ST8SIA5: variants seen among roughly 807,000 people sequenced by gnomAD.
The protein encoded by ST8SIA5 is ST8 alpha-N-acetyl-neuraminide alpha-2,8-sialyltransferase 5, also known as alpha-2,8-sialyltransferase 8E.
Under a neutral mutation model 40.2 loss-of-function variants are expected in ST8SIA5, and 24 were observed. The observed-to-expected ratio is 0.60, with a 90% CI of 0.43 to 0.84. The LOEUF is 0.84. ST8SIA5 is among the 40% of genes least tolerant of loss of function. The probability of loss-of-function intolerance (pLI) is 0.00; values close to 1 mark genes in which losing one functional copy is unlikely to be tolerated. For missense variants in ST8SIA5, 465 were observed against 498.5 expected, an observed-to-expected ratio of 0.93 and a Z score of 0.64; for synonymous variants, 198 against 201.8, an observed-to-expected ratio of 0.98 and a Z score of 0.16.
At chr18:46,690,264 C>T (rs909146084) in intron 3 of ST8SIA5, among the ~76,000 whole-genome samples, 7 of 152,138 alleles carry the variant, frequency 4.6e-5, no homozygotes, top group Admixed American at 6.5e-5. Flanking sequence ...TCCTGTAATT[C>T]GAAAGCTCAT....
chr18:46,726,015 G>GATATAAATATAT (rs2039924723), intron 1 of ST8SIA5, among the ~76,000 whole-genome samples: 1 of 31,114 alleles, frequency 3.2e-5, no homozygotes, highest in African/African-American at 1.3e-4. Flanking sequence ...ATATATCCTG[G>GATATAAATATAT]ATATATATAT....
chr18:46,668,924 C>G lies in ST8SIA5; in HGVS notation c.*11118G>C, dbSNP rs2039292298. 6.6e-6 allele frequency: 1 copy of G among 152,490 alleles called. No individual in the cohort carries two copies. The highest frequency in any genetic ancestry group is 1.5e-5 in the Non-Finnish European group (1 of 68,244). 9.4% of individuals were successfully genotyped at this position (152,490 alleles called of 1,614,324 possible). On this transcript the variant is annotated 3_prime_UTR_variant, in exon 7 of 7. Coordinates refer to ENST00000315087, the MANE Select transcript of ST8SIA5 (RefSeq NM_013305.6). Reference sequence around the variant, plus strand: ...GAGCTGCCACTTGGGACCCCTCCAGCTGCCTCCCACATGGCCAGAGCAGCA... The same window carrying G: ...GAGCTGCCACTTGGGACCCCTCCAGGTGCCTCCCACATGGCCAGAGCAGCA...
intron 1 of ST8SIA5, among the ~76,000 whole-genome samples, chr18:46,741,741 G>T (rs567008516): frequency 6.6e-6 from 1 of 152,164 alleles, no homozygotes; most frequent in African/African-American, 2.4e-5. Flanking sequence ...CACATCAAAA[G>T]GTTAAAGGGG....
intron 1 of ST8SIA5, among the ~76,000 whole-genome samples, chr18:46,739,771 G>T (rs896228121): frequency 4.6e-5 from 7 of 152,292 alleles, no homozygotes; most frequent in African/African-American, 1.7e-4. Flanking sequence ...GCCATGAGCC[G>T]ACAGCCCTCA....
At chr18:46,741,630 T>C (rs1394908253) in intron 1 of ST8SIA5, among the ~76,000 whole-genome samples, 7 of 152,082 alleles carry the variant, frequency 4.6e-5, no homozygotes, top group Non-Finnish European at 7.4e-5. Context: ...ATAAAAATAA[T>C]AGCAAACAAA....
rs768232616 is a variant in ST8SIA5 at position 46,674,384 on chromosome 18, C to T, written c.*5658G>A. 1 of 152,224 alleles carries T rather than the reference C, an allele frequency of 6.6e-6. No homozygotes were observed. The highest frequency in any genetic ancestry group is 1.5e-5 in the Non-Finnish European group (1 of 68,058). 9.4% of individuals were successfully genotyped at this position (152,224 alleles called of 1,614,324 possible). ...ACAGACATTTCAGCCTCCTGAGCCC[C>T]GAGCTCCCCTGGACAGGCAGGAGGA... On this transcript the variant is annotated 3_prime_UTR_variant, in exon 7 of 7. Transcript: ENST00000315087.
At chr18:46,686,061 G>A in intron 5 of ST8SIA5, 113 bp downstream of exon 5, 4 of 972,194 alleles carry the variant, frequency 4.1e-6, no homozygotes, top group Non-Finnish European at 6.5e-6. Context: ...AGGGTCTGCA[G>A]GGGTGGGAAG....
At chr18:46,709,378 A>C (rs183404626) in intron 1 of ST8SIA5, among the ~76,000 whole-genome samples, 1 of 152,304 alleles carries the variant, frequency 6.6e-6, no homozygotes. Context: ...TGGACTTCCC[A>C]GCCCCCAGCA....
At chr18:46,752,273 T>A (rs2040202770) in intron 1 of ST8SIA5, among the ~76,000 whole-genome samples, 1 of 152,124 alleles carries the variant, frequency 6.6e-6, no homozygotes, top group African/African-American at 2.4e-5. Context: ...TTAGAGTCCC[T>A]CGTCCATTCC....
rs1237876951 is a variant in ST8SIA5 at position 46,677,893 on chromosome 18, G to C, written c.*2149C>G. On this transcript the variant is annotated 3_prime_UTR_variant, in exon 7 of 7. Transcript: ENST00000315087. ...ACAGCAGGCACTCAGTAGAGCCCCA[G>C]GCATGACTTGACCCAGTCACATCTT... The C allele has an allele frequency of 1.3e-5, 2 of 152,222 alleles. No individual in the cohort carries two copies. The highest frequency in any genetic ancestry group is 3.8e-4 in the East Asian group (2 of 5,202). 9.4% of individuals were successfully genotyped at this position (152,222 alleles called of 1,614,324 possible).
Position 46,733,091 on chromosome 18 carries a change from G to T in ST8SIA5, c.131+23287C>A, listed in dbSNP as rs907287289. On this transcript the variant is annotated intron_variant, in intron 1 of 6. Coordinates refer to ENST00000315087, the MANE Select transcript of ST8SIA5 (RefSeq NM_013305.6). ...GCCAGCACAGCCCAGGGGGTCCACG[G>T]CACTGTTCTGTCCCACACAAGACCC... Among the ~76,000 whole-genome samples, 8 of 152,148 alleles carry T rather than the reference G, an allele frequency of 5.3e-5. No homozygotes were observed. The South Asian group carries it at 1.0e-3, about 20-fold the overall frequency.
intron 1 of ST8SIA5, among the ~76,000 whole-genome samples, chr18:46,743,153 C>A (rs1159219383): frequency 6.6e-6 from 1 of 152,172 alleles, no homozygotes; most frequent in African/African-American, 2.4e-5. Flanking sequence ...GGTGCCTCTT[C>A]CCCTCCAAAG....
intron 2 of ST8SIA5, 32 bp downstream of exon 2, chr18:46,704,540 T>G: frequency 1.3e-6 from 2 of 1,495,114 alleles, no homozygotes; most frequent in Non-Finnish European, 1.9e-6. Flanking sequence ...CTCCACATGC[T>G]CCCTGCACCC....
intron 1 of ST8SIA5, among the ~76,000 whole-genome samples, chr18:46,723,568 GGATA>G (rs2039884594): frequency 6.6e-6 from 1 of 152,020 alleles, no homozygotes; most frequent in South Asian, 2.1e-4. Flanking sequence ...ATGAATGAAT[GGATA>G]GATGAATGAA....
intron 2 of ST8SIA5, among the ~76,000 whole-genome samples, chr18:46,696,674 T>C (rs909039779): frequency 1.3e-5 from 2 of 152,234 alleles, no homozygotes; most frequent in Non-Finnish European, 2.9e-5. Context: ...ATGGAATATG[T>C]GTAAAAAGAT....
At chr18:46,736,432 T>C (rs1599145811) in intron 1 of ST8SIA5, among the ~76,000 whole-genome samples, 1 of 152,034 alleles carries the variant, frequency 6.6e-6, no homozygotes, top group African/African-American at 2.4e-5. Flanking sequence ...TAGGGGCACA[T>C]AGATGTGGGG....
At chr18:46,728,421 G>A (rs930897114) in intron 1 of ST8SIA5, among the ~76,000 whole-genome samples, 2 of 152,226 alleles carry the variant, frequency 1.3e-5, no homozygotes, top group East Asian at 3.8e-4. Context: ...TTCGCATATG[G>A]TAGGCCTGGG....
At position 46,692,240 on chromosome 18, in the gene ST8SIA5, C is replaced by G; in HGVS notation, c.240G>C (p.Glu80Asp). 6.2e-7 allele frequency: 1 copy of G among 1,614,138 alleles called. No individual in the cohort carries two copies. Among genetic ancestry groups the G allele is most frequent in the South Asian group, 1.1e-5 (1 of 91,086 alleles). Residue 80 changes from glutamate (E) to aspartate (D), a missense_variant, in exon 3 of 7, where the codon GAG becomes GAC. Glu to Asp is a conservative substitution (Grantham distance 45). Transcript: ENST00000315087. ...GGAGGCTCTTCCACCTGTCGAACAG[C>G]TCTGACTGCTTCACCCTTGGGAGTA... ...VKVLSMVKQS[E>D]LFDRWKSLQM...
chr18:46,721,599 G>C, intron 1 of ST8SIA5: 1 of 730,572 alleles, frequency 1.4e-6, no homozygotes, highest in Non-Finnish European at 2.3e-6. Flanking sequence ...GGAGGCGATG[G>C]TACTGACTCC....
Sources: allele counts gnomAD v4.1 joint callset (sites outside exome capture counted in the v4.1 genomes callset), GRCh38; gene constraint gnomAD v4.1.1; transcripts MANE v1.5; gene names NCBI Gene and HGNC (gene_info 2026-07-23, HGNC 2026-07-21).